The following MARCO variants were observed in gnomAD, a reference collection of about 807,000 sequenced individuals.
MARCO encodes macrophage receptor MARCO.
Under a neutral mutation model 70.0 loss-of-function variants are expected in MARCO, and 72 were observed. The ratio of observed to expected loss-of-function variants is 1.03; its 90% CI spans 0.85 to 1.25. The LOEUF (loss-of-function observed/expected upper bound fraction) is 1.25. Among genes scored for constraint, MARCO ranks in the 50% most tolerant of loss-of-function variants. The pLI is 0.00. For missense variants in MARCO, 696 were observed against 659.3 expected (o/e 1.06, Z -0.61); for synonymous variants, 273 against 243.1 (o/e 1.12, Z -1.14).
chr2:118,966,258 C>T (rs1168887294), intron 1 of MARCO, among the ~76,000 whole-genome samples: 1 of 152,148 alleles, frequency 6.6e-6, no homozygotes, highest in Non-Finnish European at 1.5e-5. Flanking sequence ...ATTTCTGAAA[C>T]CTGCTTGCCT....
chr2:118,991,293 T>C (rs1162445368), intron 13 of MARCO, among the ~76,000 whole-genome samples: 1 of 151,640 alleles, frequency 6.6e-6, no homozygotes, highest in African/African-American at 2.4e-5. Flanking sequence ...AAATTCTCTG[T>C]GTCACCCAGG....
chr2:118,967,613 C>A (rs149086301), intron 1 of MARCO, among the ~76,000 whole-genome samples: 1 of 152,222 alleles, frequency 6.6e-6, no homozygotes, highest in South Asian at 2.1e-4. Flanking sequence ...GCTAAACAAC[C>A]AACCCACCAA....
At chr2:118,967,979 A>G (rs1416153156) in intron 1 of MARCO, among the ~76,000 whole-genome samples, 1 of 152,108 alleles carries the variant, frequency 6.6e-6, no homozygotes, top group Non-Finnish European at 1.5e-5. Flanking sequence ...AGCTAGACCA[A>G]CCTGGGGTCA....
intron 1 of MARCO, among the ~76,000 whole-genome samples, chr2:118,965,584 T>C (rs770358785): frequency 6.6e-6 from 1 of 152,174 alleles, no homozygotes; most frequent in Non-Finnish European, 1.5e-5. Flanking sequence ...TGAGTTGTGA[T>C]TTTCTCTATT....
chr2:118,986,702 AAAGAAAGAAAGAAAGAAAGAAAAG>A lies in MARCO; in HGVS notation c.1064-3884_1064-3861del, dbSNP rs1245710578. Among the ~76,000 whole-genome samples, 10 of 112,302 alleles carry A rather than the reference AAAGAAAGAAAGAAAGAAAGAAAAG, an allele frequency of 8.9e-5. 1 individual carries two copies. The highest frequency in any genetic ancestry group is 3.5e-4 in the East Asian group (1 of 2,884). The allele number at this position is 112,302 out of a possible 152,430, so 73.7% of individuals were successfully genotyped here. On this transcript the variant is annotated intron_variant, in intron 12 of 16. Coordinates refer to ENST00000327097, the MANE Select transcript of MARCO (RefSeq NM_006770.4). ...GAAAGAAAGAAAGAAAGAAAGAAAG[AAAGAAAGAAAGAAAGAAAGAAAAG>A]AAAGAAAGAAAGAGAAAGAAAGAGA...
At chr2:118,942,477 A>C in intron 1 of MARCO, 80 bp downstream of exon 1, 1 of 1,153,852 alleles carries the variant, frequency 8.7e-7, no homozygotes, top group Non-Finnish European at 1.3e-6. Context: ...AGACAAGTCA[A>C]TAGAAAGTCT....
intron 16 of MARCO, 145 bp downstream of exon 16, chr2:118,993,445 G>T: frequency 1.3e-6 from 1 of 742,730 alleles, no homozygotes; most frequent in Non-Finnish European, 2.2e-6. Context: ...CTGCAGTGCA[G>T]GGCTCCAGGT....
chr2:118,977,797 G>T, intron 7 of MARCO, 31 bp from the exon 8 acceptor site: 1 of 1,545,150 alleles, frequency 6.5e-7, no homozygotes, highest in South Asian at 1.2e-5. Context: ...AGGATAGTGG[G>T]AGCCCATCTC....
Position 118,974,548 on chromosome 2 carries a change from G to A in MARCO, c.596G>A (p.Gly199Glu). ...TGPSGPQGPP[G>E]VKGEAGLQGP... ...CCCTCGGGACCCCAAGGCCCACCGGGAGTCAAGGGAGAGGCGGGTGAGTAG... is the reference window on the plus strand; with the variant it reads ...CCCTCGGGACCCCAAGGCCCACCGGAAGTCAAGGGAGAGGCGGGTGAGTAG... Residue 199 changes from glycine (G) to glutamate (E), a missense_variant, in exon 6 of 17, where the codon GGA becomes GAA. By Grantham distance (98) the Gly-to-Glu change is moderately conservative. Around this residue, in one of 3 missense-constraint regions of MARCO, gnomAD observed 605 missense variants for 537.6 expected, o/e 1.13. Transcript: ENST00000327097. The A allele has an allele frequency of 6.2e-7, 1 of 1,613,790 alleles. No individual in the cohort carries two copies. Among genetic ancestry groups the A allele is most frequent in the Non-Finnish European group, 8.5e-7 (1 of 1,179,934 alleles).
At chr2:118,974,033 C>T (rs1207787631) in intron 4 of MARCO, among the ~76,000 whole-genome samples, 1 of 152,102 alleles carries the variant, frequency 6.6e-6, no homozygotes, top group Non-Finnish European at 1.5e-5. Context: ...TACACTAATT[C>T]CATCTTACTG....
intron 8 of MARCO, among the ~76,000 whole-genome samples, chr2:118,979,094 G>A (rs950176380): frequency 1.3e-5 from 2 of 152,138 alleles, no homozygotes; most frequent in Non-Finnish European, 1.5e-5. Flanking sequence ...ACTGTACCTG[G>A]CACATGGGAA....
At chr2:118,982,490 G>A (rs1263588390) in intron 12 of MARCO, 80 bp downstream of exon 12, 1 of 1,344,828 alleles carries the variant, frequency 7.4e-7, no homozygotes, top group Non-Finnish European at 1.1e-6. Flanking sequence ...TTCTTCTTAG[G>A]CCCACGGAGG....
chr2:118,993,424 AC>A, intron 16 of MARCO, 124 bp downstream of exon 16: 2 of 952,588 alleles, frequency 2.1e-6, no homozygotes, highest in South Asian at 1.6e-5. Flanking sequence ...GGTCCAAGCA[AC>A]CAAAAAGCTC....
At chr2:118,966,857 G>C (rs760812825) in intron 1 of MARCO, among the ~76,000 whole-genome samples, 9 of 152,180 alleles carry the variant, frequency 5.9e-5, no homozygotes, top group Non-Finnish European at 1.3e-4. Flanking sequence ...CCACCACCTC[G>C]TGTTAAATGT....
chr2:118,952,361 G>T (rs2104551972), intron 1 of MARCO, among the ~76,000 whole-genome samples: 1 of 152,244 alleles, frequency 6.6e-6, no homozygotes, highest in Admixed American at 6.5e-5. Context: ...TCCCCCAAGG[G>T]AGAATTAGGC....
intron 6 of MARCO, among the ~76,000 whole-genome samples, chr2:118,976,184 C>G (rs952346583): frequency 3.9e-5 from 6 of 152,224 alleles, no homozygotes; most frequent in Admixed American, 3.3e-4. Flanking sequence ...ACAGCCTTGA[C>G]AGAGGGCTCA....
chr2:118,948,021 T>A (rs922721790), intron 1 of MARCO, among the ~76,000 whole-genome samples: 6 of 152,340 alleles, frequency 3.9e-5, no homozygotes, highest in Non-Finnish European at 8.8e-5. Flanking sequence ...TTTAAAAAAA[T>A]TTCAGCATAC....
intron 1 of MARCO, among the ~76,000 whole-genome samples, chr2:118,958,412 A>C (rs2065515326): frequency 6.6e-6 from 1 of 151,876 alleles, no homozygotes; most frequent in Admixed American, 6.6e-5. Flanking sequence ...AGCTGCAAAA[A>C]AAAAAAAAAA....
At chr2:118,973,645 G>A (rs1680217595) in intron 4 of MARCO, among the ~76,000 whole-genome samples, 1 of 152,136 alleles carries the variant, frequency 6.6e-6, no homozygotes. Context: ...AAATAGGTGG[G>A]TGGGGGAGGA....
Sources: gnomAD v4.1 joint callset for allele counts (sites outside exome capture counted in the v4.1 genomes callset) on GRCh38, gnomAD v4.1.1 for gene constraint, gnomAD v4.1.1 regional missense constraint, MANE v1.5 for transcripts, NCBI Gene and HGNC (gene_info 2026-07-23, HGNC 2026-07-21) for gene names.